Variants in LYST observed in about 807,000 individuals in gnomAD.
LYST encodes lysosomal trafficking regulator.
A neutral mutation model predicts 413.6 loss-of-function variants in LYST; 192 were observed. That is an observed-to-expected ratio of 0.46 (90% CI 0.41 to 0.52). LYST has a LOEUF of 0.52. LYST is among the 20% of genes least tolerant of loss of function. The pLI, the probability that LYST is intolerant of heterozygous loss-of-function variation, is 0.00. For missense variants in LYST, 3,815 were observed against 4,499.9 expected, an observed-to-expected ratio of 0.85 and a Z score of 4.35; for synonymous variants, 1,525 against 1,567.3, an observed-to-expected ratio of 0.97 and a Z score of 0.64.
In LYST at chr1:235,664,393, TA is replaced by T; in HGVS notation, c.11195+71del. ...ACTGAATATTAATATGCCTAGATAT[TA>T]AAAATTAATTTCTGAAACTCCTGTG... On this transcript the variant is annotated intron_variant, in intron 51 of 52. Coordinates refer to ENST00000389793, the MANE Select transcript of LYST (RefSeq NM_000081.4). This position sits in a 1 kb window ranked among gnomAD's most constrained non-coding sequence, Gnocchi z 4.5. 1 of 1,432,278 alleles carries T rather than the reference TA, an allele frequency of 7.0e-7. No homozygotes were observed. Among genetic ancestry groups the T allele is most frequent in the Non-Finnish European group, 9.8e-7 (1 of 1,020,030 alleles). The allele number at this position is 1,432,278 out of a possible 1,614,324, so 88.7% of individuals were successfully genotyped here.
In LYST at chr1:235,791,814, G is replaced by A. The variant is rs749585509; in HGVS notation, c.4428C>T (p.Ser1476=). The change falls in exon 12 of 53, where the codon TCC becomes TCT. Residue 1476 remains serine (S), a synonymous_variant. Coordinates refer to ENST00000389793, the MANE Select transcript of LYST (RefSeq NM_000081.4). The part of the protein sequence containing the change: ...WPHLSEGFSV[S]LWFNVECIHE... ...GGATACACTCCACATTAAACCACAG[G>A]GAAACACTGAAACCTTCTGATAGGT... The A allele has an allele frequency of 9.3e-6, 15 of 1,614,058 alleles. No homozygotes were observed. The highest frequency in any genetic ancestry group is 1.2e-5 in the Non-Finnish European group (14 of 1,179,982).
rs1219702238 is a variant in LYST, at chr1:235,739,345, C to T, written c.8358+2077G>A. Among the ~76,000 whole-genome samples, 6 of 152,240 alleles carry T rather than the reference C, an allele frequency of 3.9e-5. No homozygotes were observed. In the East Asian group the frequency reaches 5.8e-4, roughly 15 times the overall value. ...GCCCTTGAGCCAGATGGATGTTTAC[C>T]GTGTGTTATATAAATAACTTCCTGG... On this transcript the variant is annotated intron_variant, in intron 31 of 52. Coordinates refer to ENST00000389793, the MANE Select transcript of LYST (RefSeq NM_000081.4).
chr1:235,768,932 G>A (rs549584041), intron 20 of LYST, among the ~76,000 whole-genome samples: 29 of 152,166 alleles, frequency 1.9e-4, no homozygotes, highest in African/African-American at 5.8e-4. Context: ...GCAATAAAAT[G>A]TTTTTGTGTT....
chr1:235,764,982 T>A (rs1667989499), intron 21 of LYST, among the ~76,000 whole-genome samples: 1 of 152,166 alleles, frequency 6.6e-6, no homozygotes, highest in African/African-American at 2.4e-5. Context: ...TGTCCTACCC[T>A]CCAACTAGTA....
chr1:235,746,964 GT>G (rs756567752), intron 28 of LYST, among the ~76,000 whole-genome samples: 4 of 152,166 alleles, frequency 2.6e-5, no homozygotes, highest in African/African-American at 4.8e-5. Context: ...TCATAAAGTA[GT>G]TTTAAAAACT....
intron 1 of LYST, among the ~76,000 whole-genome samples, chr1:235,856,526 TAGTA>T (rs1486320458): frequency 1.3e-5 from 2 of 152,346 alleles, no homozygotes; most frequent in Admixed American, 1.3e-4. Context: ...TCAGAAAATG[TAGTA>T]AGTATCAACA....
intron 1 of LYST, among the ~76,000 whole-genome samples, chr1:235,846,222 C>T (rs1043303734): frequency 1.3e-5 from 2 of 152,092 alleles, no homozygotes; most frequent in South Asian, 4.1e-4. Context: ...CCCCCAGTAC[C>T]GGCCTGGAGC....
intron 1 of LYST, chr1:235,839,392 G>A (rs1332874793): frequency 6.7e-6 from 1 of 149,930 alleles, no homozygotes; most frequent in African/African-American, 2.5e-5. Context: ...CTGACCTCAG[G>A]TAATCCGCCC....
At chr1:235,870,507 T>A (rs1322795986), upstream of LYST, among the ~76,000 whole-genome samples, 1 of 152,226 alleles carries the variant, frequency 6.6e-6, no homozygotes, top group East Asian at 1.9e-4. Flanking sequence ...TGAGCCTACC[T>A]TGGCTCAGAA....
rs749661417 is a variant in LYST, at chr1:235,662,494, ATGTG to A, written c.*442_*445del. ...CTTTTTTTCTTTCCTCTTTTGGAGCATGTGTGTGTGGTGGGAGGAGTATTTCATG... is the reference window on the plus strand; with the variant it reads ...CTTTTTTTCTTTCCTCTTTTGGAGCATGTGTGGTGGGAGGAGTATTTCATG... On this transcript the variant is annotated 3_prime_UTR_variant, in exon 53 of 53. Transcript: ENST00000389793. The A allele has an allele frequency of 3.2e-5, 6 of 189,204 alleles. No homozygotes were observed. Among genetic ancestry groups the A allele is most frequent in the Non-Finnish European group, 6.7e-5 (6 of 89,936 alleles). 11.7% of individuals were successfully genotyped at this position (189,204 alleles called of 1,614,324 possible).
At chr1:235,680,724 G>A (rs1273605871) in intron 48 of LYST, among the ~76,000 whole-genome samples, 1 of 151,774 alleles carries the variant, frequency 6.6e-6, no homozygotes, top group Non-Finnish European at 1.5e-5. Context: ...TCAGCTTCCT[G>A]AGTAGCTGGA....
chr1:235,844,308 GA>G (rs1340240640), intron 1 of LYST, among the ~76,000 whole-genome samples: 1 of 152,128 alleles, frequency 6.6e-6, no homozygotes, highest in African/African-American at 2.4e-5. Flanking sequence ...TAAATGACAT[GA>G]ATAAAGGAAT....
At chr1:235,734,900 TA>T (rs923178321) in intron 31 of LYST, 108 of 309,428 alleles carry the variant, frequency 3.5e-4, no homozygotes, top group South Asian at 1.4e-3. Context: ...GGAAAACATT[TA>T]AAAAAAAGAA....
chr1:235,756,057 A>G (rs6688905), intron 24 of LYST, among the ~76,000 whole-genome samples: 52 of 113,682 alleles, frequency 4.6e-4, no homozygotes, highest in African/African-American at 1.2e-3. Flanking sequence ...ATCTATATCT[A>G]TATCTGTATC....
intron 45 of LYST, among the ~76,000 whole-genome samples, chr1:235,699,936 C>G (rs559254537): frequency 6.6e-6 from 1 of 152,258 alleles, no homozygotes; most frequent in African/African-American, 2.4e-5. Flanking sequence ...TAACACCACA[C>G]ATCTACAACC....
rs1215078594 is a variant in LYST, at chr1:235,879,772, T to C, written n.454+3415A>G. Among the ~76,000 whole-genome samples the C allele has an allele frequency of 2.6e-5, 4 of 151,988 alleles. No individual in the cohort carries two copies. The East Asian group carries it at 7.7e-4, about 29-fold the overall frequency. On this transcript the variant is annotated intron_variant and non_coding_transcript_variant, in intron 1 of 11. Coordinates refer to the LYST transcript ENST00000465349. ...TTTTTTTTGAGACGGAGTCTCGCTC[T>C]GTCGCCCAGGCTGGAGTGCAGTGGC... is the stretch of plus-strand genomic sequence containing the variant.
At chr1:235,776,274 A>G (rs1669220764) in intron 17 of LYST, among the ~76,000 whole-genome samples, 1 of 152,202 alleles carries the variant, frequency 6.6e-6, no homozygotes, top group African/African-American at 2.4e-5. Flanking sequence ...CTAACAAAAT[A>G]TTTGTAAGAA....
intron 47 of LYST, among the ~76,000 whole-genome samples, chr1:235,691,407 T>C (rs1660642198): frequency 6.6e-6 from 1 of 152,244 alleles, no homozygotes; most frequent in Non-Finnish European, 1.5e-5. Flanking sequence ...TCACAGGGCT[T>C]TAGGCCCAAT....
chr1:235,661,776 A>G lies in LYST; in HGVS notation c.*1164T>C, dbSNP rs1302821018. On this transcript the variant is annotated 3_prime_UTR_variant, in exon 53 of 53. Coordinates refer to ENST00000389793, the MANE Select transcript of LYST (RefSeq NM_000081.4). ...TTATCTGACAGTGTTTTCAAAGCCAATAAAGCAGCACCCCAAGTAAAAATA... is the reference window on the plus strand; with the variant it reads ...TTATCTGACAGTGTTTTCAAAGCCAGTAAAGCAGCACCCCAAGTAAAAATA... 3 of 152,676 alleles carry G rather than the reference A, an allele frequency of 2.0e-5. No homozygotes were observed. The highest frequency in any genetic ancestry group is 4.4e-5 in the Non-Finnish European group (3 of 68,042). The allele number at this position is 152,676 out of a possible 1,614,324, so 9.5% of individuals were successfully genotyped here.
Sources: allele counts gnomAD v4.1 joint callset (sites outside exome capture counted in the v4.1 genomes callset), GRCh38; gene constraint gnomAD v4.1.1; non-coding constraint Gnocchi (gnomAD v3.1); transcripts MANE v1.5; gene names NCBI Gene and HGNC (gene_info 2026-07-23, HGNC 2026-07-21).